The following GPX8 variants were observed in gnomAD, a reference collection of about 807,000 sequenced individuals.
GPX8 encodes the protein glutathione peroxidase 8 (putative), also known as protein peroxidase GPX8.
A neutral mutation model predicts 17.8 loss-of-function variants in GPX8; 12 were observed. The observed-to-expected ratio is 0.67, with a 90% CI of 0.43 to 1.09. The LOEUF is 1.09. Ranked by LOEUF, GPX8 falls within the 50% of genes least tolerant of loss-of-function variation. The pLI is 0.00. For missense variants in GPX8, 209 were observed against 235.6 expected (o/e 0.89, Z 0.74); for synonymous variants, 86 against 88.1 (o/e 0.98, Z 0.14).
At chr5:55,160,465 T>G in intron 1 of GPX8, 69 bp downstream of exon 1, 2 of 1,311,558 alleles carry the variant, frequency 1.5e-6, no homozygotes, top group Non-Finnish European at 2.2e-6. Context: ...CTTAATAAAA[T>G]CAATTTTTTG....
At chr5:55,163,971 A>T in intron 2 of GPX8, 84 bp from the exon 3 acceptor site, 1 of 1,035,364 alleles carries the variant, frequency 9.7e-7, no homozygotes, top group Non-Finnish European at 1.4e-6. Context: ...TACTAAAGTT[A>T]TCATTTATGC....
At chr5:55,160,603 G>A in intron 1 of GPX8, 2 of 545,950 alleles carry the variant, frequency 3.7e-6, no homozygotes. Context: ...TCTTTAAAAT[G>A]CTTTAATTTT....
At chr5:55,162,162 G>C (rs528184940) in intron 2 of GPX8, among the ~76,000 whole-genome samples, 1 of 150,508 alleles carries the variant, frequency 6.6e-6, no homozygotes, top group Non-Finnish European at 1.5e-5. Flanking sequence ...TTAGGAGGCC[G>C]AGGCAGGCAG....
chr5:55,161,898 G>C (rs895193289), intron 2 of GPX8, among the ~76,000 whole-genome samples: 1 of 152,100 alleles, frequency 6.6e-6, no homozygotes, highest in East Asian at 1.9e-4. Flanking sequence ...AAGCTACCTG[G>C]GTTCAAACCC....
rs979248047 is a variant in GPX8, at chr5:55,160,967, G to A, written c.205-27G>A. The A allele has an allele frequency of 8.2e-6, 13 of 1,582,506 alleles. No homozygotes were observed. In the African/African-American group the frequency reaches 9.6e-5, roughly 12 times the overall value. ...TTTAAAATCTTTTGCTTCACTTTCCGGTTGGATTTTTTTCTTTTTCCGGGA... is the reference window on the plus strand; with the variant it reads ...TTTAAAATCTTTTGCTTCACTTTCCAGTTGGATTTTTTTCTTTTTCCGGGA... On this transcript the variant is annotated intron_variant, in intron 1 of 2. Coordinates refer to ENST00000503787, the MANE Select transcript of GPX8 (RefSeq NM_001008397.4).
chr5:55,160,900 T>TC lies in GPX8; in HGVS notation c.205-87dup, dbSNP rs140700063. The TC allele has an allele frequency of 4.8e-3, 6,097 of 1,277,970 alleles. 239 individuals are homozygous for TC. The African/African-American group carries it at 0.079, about 16-fold the overall frequency. 79.2% of individuals were successfully genotyped at this position (1,277,970 alleles called of 1,614,324 possible). ...AAAAAACATCAATCAGAGGTTATAG[T>TC]CCCCCCCAAATTGTTTAGGATTTTA... On this transcript the variant is annotated intron_variant, in intron 1 of 2. Transcript: ENST00000503787.
chr5:55,163,773 G>A (rs1214422437), intron 2 of GPX8, among the ~76,000 whole-genome samples: 3 of 150,668 alleles, frequency 2.0e-5, no homozygotes, highest in African/African-American at 7.3e-5. Context: ...CTCCCAAAGT[G>A]CTGGGATTAC....
At chr5:55,160,949 T>A (rs967805606) in intron 1 of GPX8, 45 bp from the exon 2 acceptor site, 1 of 1,573,814 alleles carries the variant, frequency 6.4e-7, no homozygotes. Context: ...TTTTTTAAAA[T>A]CTTTTGCTTC....
At chr5:55,160,555 A>C (rs1743993103) in intron 1 of GPX8, 159 bp downstream of exon 1, 2 of 584,794 alleles carry the variant, frequency 3.4e-6, no homozygotes, top group Non-Finnish European at 5.9e-6. Flanking sequence ...CAGTTCTGAT[A>C]GTTTGCTTCT....
intron 2 of GPX8, 68 bp from the exon 3 acceptor site, chr5:55,163,987 C>T (rs72766156): frequency 3.5e-5 from 42 of 1,184,986 alleles, no homozygotes; most frequent in Non-Finnish European, 5.0e-5. Flanking sequence ...TATGCAGATA[C>T]TAATAGAAGT....
rs2111601040 is a variant in GPX8 at position 55,166,526 on chromosome 5, T to G, written c.*2308T>G. 6.6e-6 allele frequency: 1 copy of G among 152,350 alleles called. No homozygotes were observed. The highest frequency in any genetic ancestry group is 2.1e-4 in the South Asian group (1 of 4,826). The allele number at this position is 152,350 out of a possible 1,614,324, so 9.4% of individuals were successfully genotyped here. ...TCGGGGTTCTGTAACAATTAGGCTATGTGTGCTGAGAGAGGGAGCGGAGTC... is the reference window on the plus strand; with the variant it reads ...TCGGGGTTCTGTAACAATTAGGCTAGGTGTGCTGAGAGAGGGAGCGGAGTC... On this transcript the variant is annotated 3_prime_UTR_variant, in exon 3 of 3. Coordinates refer to ENST00000503787, the MANE Select transcript of GPX8 (RefSeq NM_001008397.4).
At position 55,160,256 on chromosome 5, in the gene GPX8, T is replaced by G; in HGVS notation, c.64T>G (p.Leu22Val). Residue 22 changes from leucine to valine, a missense_variant, in exon 1 of 3, where the codon TTG (leucine) becomes GTG (valine). Coordinates refer to ENST00000503787, the MANE Select transcript of GPX8 (RefSeq NM_001008397.4). ...SGPRAKVFAV[L>V]LSIVLCTVTL... ...GCCCAGAGCAAAGGTATTTGCAGTT[T>G]TGCTGTCTATAGTTCTATGCACAGT... The G allele has an allele frequency of 6.2e-7, 1 of 1,614,122 alleles. No homozygotes were observed. The highest frequency in any genetic ancestry group is 8.5e-7 in the Non-Finnish European group (1 of 1,179,944).
Position 55,164,210 on chromosome 5 carries a change from G to C in GPX8, c.622G>C (p.Asp208His). The C allele has an allele frequency of 6.5e-7, 1 of 1,536,336 alleles. No homozygotes were observed. Among genetic ancestry groups the C allele is most frequent in the Non-Finnish European group, 8.8e-7 (1 of 1,134,618 alleles). ...ACAAGTGATCATAAAAAAGAAAGAGGATCTATGAGAATGCCATTGCGTTTC... is the reference window on the plus strand; with the variant it reads ...ACAAGTGATCATAAAAAAGAAAGAGCATCTATGAGAATGCCATTGCGTTTC... ...VRQVIIKKKEDL is the reference protein window; with the variant it reads ...VRQVIIKKKEHL The change falls in exon 3 of 3, where the codon GAT becomes CAT. Residue 208 changes from aspartate to histidine, a missense_variant. Transcript: ENST00000503787.
intron 2 of GPX8, among the ~76,000 whole-genome samples, chr5:55,162,777 T>C (rs1458946805): frequency 1.3e-5 from 2 of 152,198 alleles, no homozygotes; most frequent in African/African-American, 4.8e-5. Context: ...AGCTCATAGG[T>C]TATTTCTCTT....
In GPX8 at chr5:55,164,629, T is replaced by G. The variant is rs1744284460; in HGVS notation, c.*411T>G. ...GTACTTGATGAAAATGCCAACACAC[T>G]AGACCACTCTTTGGATTCAAGAGCA... On this transcript the variant is annotated 3_prime_UTR_variant, in exon 3 of 3. Transcript: ENST00000503787. 6.5e-6 allele frequency: 1 copy of G among 152,946 alleles called. No homozygotes were observed. The allele number at this position is 152,946 out of a possible 1,614,324, so 9.5% of individuals were successfully genotyped here.
chr5:55,163,000 A>G (rs1359233320), intron 2 of GPX8, among the ~76,000 whole-genome samples: 3 of 152,142 alleles, frequency 2.0e-5, no homozygotes, highest in Admixed American at 1.3e-4. Context: ...TCATCTGCAA[A>G]ACGGGGATGA....
rs902382294 is a variant in GPX8, at chr5:55,165,542, A to G, written c.*1324A>G. On this transcript the variant is annotated 3_prime_UTR_variant, in exon 3 of 3. Transcript: ENST00000503787. Reference sequence around the variant, plus strand: ...GCAAATTCAGTAATGCTACCTCAGTATATAGTTCTGTATACGTATTTGGAC... The same window carrying G: ...GCAAATTCAGTAATGCTACCTCAGTGTATAGTTCTGTATACGTATTTGGAC... 5.9e-5 allele frequency: 9 copies of G among 152,224 alleles called. No homozygotes were observed. Among genetic ancestry groups the G allele is most frequent in the Non-Finnish European group, 2.9e-5 (2 of 68,038 alleles). The allele number at this position is 152,224 out of a possible 1,614,324, so 9.4% of individuals were successfully genotyped here. A position where few individuals can be genotyped will look rare whatever the true frequency, so the allele number is the denominator to read the frequency against.
chr5:55,161,579 G>A (rs1744066326), intron 2 of GPX8, among the ~76,000 whole-genome samples: 1 of 152,186 alleles, frequency 6.6e-6, no homozygotes, highest in African/African-American at 2.4e-5. Flanking sequence ...ACTAGCATCT[G>A]GAGAAATGTC....
At position 55,164,313 on chromosome 5, in the gene GPX8, T is replaced by C; in HGVS notation, c.*95T>C. On this transcript the variant is annotated 3_prime_UTR_variant, in exon 3 of 3. Transcript: ENST00000503787. ...TTTTTTTGGAGACAGTGTCTCACTC[T>C]GTCACCCAGGCTGGAGTGCAGTAGT... is the stretch of plus-strand genomic sequence containing the variant. The C allele has an allele frequency of 2.2e-6, 2 of 914,568 alleles. No individual in the cohort carries two copies. Among genetic ancestry groups the C allele is most frequent in the Non-Finnish European group, 3.0e-6 (2 of 658,632 alleles). The allele number at this position is 914,568 out of a possible 1,614,324, so 56.7% of individuals were successfully genotyped here.
Sources: gnomAD v4.1 joint callset for allele counts (sites outside exome capture counted in the v4.1 genomes callset) on GRCh38, gnomAD v4.1.1 for gene constraint, MANE v1.5 for transcripts, NCBI Gene and HGNC (gene_info 2026-07-23, HGNC 2026-07-21) for gene names.